Variants in MYO9B observed in about 807,000 individuals in gnomAD.
The protein encoded by MYO9B is unconventional myosin-IXb.
In MYO9B, 71 loss-of-function variants were observed where a neutral mutation model predicts 229.5. The ratio of observed to expected loss-of-function variants is 0.31; its 90% confidence interval spans 0.26 to 0.38. The LOEUF (loss-of-function observed/expected upper bound fraction) is 0.38. Ranked by LOEUF, MYO9B falls within the 10% of genes least tolerant of loss-of-function variation. The pLI, the probability that MYO9B is intolerant of heterozygous loss-of-function variation, is 1.00. For synonymous variants in MYO9B, 1,185 were observed against 1,235.8 expected (o/e 0.96, Z 0.86); for missense variants, 2,255 against 2,920.5 (o/e 0.77, Z 5.25).
At chr19:17,097,982 C>G (rs1043163268) in intron 1 of MYO9B, among the ~76,000 whole-genome samples, 2 of 151,968 alleles carry the variant, frequency 1.3e-5, no homozygotes, top group Non-Finnish European at 2.9e-5. Flanking sequence ...AGGTGGTGGG[C>G]CTATTGTACC....
At chr19:17,089,524 A>G (rs1168408884) in intron 1 of MYO9B, among the ~76,000 whole-genome samples, 3 of 152,140 alleles carry the variant, frequency 2.0e-5, no homozygotes, top group Non-Finnish European at 4.4e-5. Flanking sequence ...CCTCCGCCAA[A>G]CTGGTAGGCA....
chr19:17,087,903 G>C (rs59243439), intron 1 of MYO9B, among the ~76,000 whole-genome samples: 1 of 146,634 alleles, frequency 6.8e-6, no homozygotes, highest in African/African-American at 2.5e-5. Flanking sequence ...GCACTCCACC[G>C]TGGGCAACAA....
rs1330699078 is a variant in MYO9B at position 17,116,155 on chromosome 19, A to AAGG, written c.840+13599_840+13601dup. Among the ~76,000 whole-genome samples, 3 of 152,064 alleles carry AAGG rather than the reference A, an allele frequency of 2.0e-5. No homozygotes were observed. The South Asian group carries it at 6.2e-4, about 32-fold the overall frequency. On this transcript the variant is annotated intron_variant, in intron 2 of 39. Coordinates refer to ENST00000682292, the MANE Select transcript of MYO9B (RefSeq NM_004145.4). ...GAACATCAGCAGGCCCCATCTCTTG[A>AAGG]AGGGTTTCCAGCTGCCTCCTGGGCT...
chr19:17,170,645 T>TAAA (rs2072712783), intron 11 of MYO9B, among the ~76,000 whole-genome samples: 1 of 14,288 alleles, frequency 7.0e-5, no homozygotes, highest in Non-Finnish European at 1.1e-4. Flanking sequence ...ACCCCATCTC[T>TAAA]ACAAAAAAAA....
chr19:17,174,949 T>A (rs1401827126), intron 13 of MYO9B, among the ~76,000 whole-genome samples: 17 of 149,956 alleles, frequency 1.1e-4, no homozygotes, highest in East Asian at 4.0e-4. Context: ...AATAAATAAA[T>A]AAATAATAAA....
rs888650120 is a variant in MYO9B, at chr19:17,207,036, A to G, written c.5493-77A>G. On this transcript the variant is annotated intron_variant, in intron 34 of 39. Coordinates refer to ENST00000682292, the MANE Select transcript of MYO9B (RefSeq NM_004145.4). ...TTTCCCAACAGCCACCCCAGGGCTC[A>G]GAAGTTCAGTCTCGGGGCTCCCTGG... 1.4e-5 allele frequency: 22 copies of G among 1,553,694 alleles called. No individual in the cohort carries two copies. In the African/African-American group the frequency reaches 3.0e-4, roughly 21 times the overall value.
chr19:17,152,684 G>C lies in MYO9B; in HGVS notation c.976G>C (p.Val326Leu), dbSNP rs1253479288. Reference protein sequence around the residue: ...EKYLLEKSRLVSQEKDERNYH... With the variant: ...EKYLLEKSRLLSQEKDERNYH... Reference sequence around the variant, plus strand: ...ATATCTGCTTGAAAAGTCTCGCCTGGTGTCTCAGGAGAAGGATGAGAGGTA... The same window carrying C: ...ATATCTGCTTGAAAAGTCTCGCCTGCTGTCTCAGGAGAAGGATGAGAGGTA... Residue 326 changes from valine (V) to leucine (L), a missense_variant, in exon 4 of 40, where the codon GTG becomes CTG. Transcript: ENST00000682292. The C allele has an allele frequency of 3.1e-6, 5 of 1,613,478 alleles. No individual in the cohort carries two copies. In the South Asian group the frequency reaches 5.5e-5, roughly 18 times the overall value.
chr19:17,090,645 T>C (rs1370830412), intron 1 of MYO9B, among the ~76,000 whole-genome samples: 2 of 152,234 alleles, frequency 1.3e-5, no homozygotes, highest in East Asian at 1.9e-4. Flanking sequence ...ACTGATGCTG[T>C]CAGCTGGAGG....
At chr19:17,084,304 C>T (rs1341381962) in intron 1 of MYO9B, among the ~76,000 whole-genome samples, 1 of 151,200 alleles carries the variant, frequency 6.6e-6, no homozygotes, top group Non-Finnish European at 1.5e-5. Flanking sequence ...TGCCACTGCA[C>T]TCCAGCCTGG....
intron 8 of MYO9B, among the ~76,000 whole-genome samples, chr19:17,160,217 G>T (rs899143125): frequency 6.6e-6 from 1 of 152,128 alleles, no homozygotes. Flanking sequence ...AACAGGCACC[G>T]GGGACATTCT....
At chr19:17,115,581 G>C (rs1342282402) in intron 2 of MYO9B, among the ~76,000 whole-genome samples, 1 of 150,020 alleles carries the variant, frequency 6.7e-6, no homozygotes, top group African/African-American at 2.5e-5. Context: ...CAATTCTCCT[G>C]CTTCAGCCTC....
Position 17,195,570 on chromosome 19 carries a change from C to A in MYO9B, c.4046+97C>A. On this transcript the variant is annotated intron_variant, in intron 22 of 39. Coordinates refer to ENST00000682292, the MANE Select transcript of MYO9B (RefSeq NM_004145.4). This position sits in a 1 kb window ranked among gnomAD's most constrained non-coding sequence, Gnocchi z 4.5. ...CACATCCTGGAAACACATGTGTAAT[C>A]ATGCCCAGTGGGTGTGCGGGAGGCC... is the stretch of plus-strand genomic sequence containing the variant. The A allele has an allele frequency of 7.0e-7, 1 of 1,432,724 alleles. No individual in the cohort carries two copies. The highest frequency in any genetic ancestry group is 9.4e-7 in the Non-Finnish European group (1 of 1,061,800). 88.8% of individuals were successfully genotyped at this position (1,432,724 alleles called of 1,614,324 possible). A position where few individuals can be genotyped will look rare whatever the true frequency, so the allele number is the denominator to read the frequency against.
chr19:17,175,017 C>T (rs192137794), intron 13 of MYO9B, among the ~76,000 whole-genome samples: 68 of 151,548 alleles, frequency 4.5e-4, no homozygotes, highest in Admixed American at 9.9e-4. Context: ...TGGTGCACAC[C>T]GGTAGTCCTA....
chr19:17,146,394 G>C (rs1461323561), intron 3 of MYO9B, among the ~76,000 whole-genome samples: 1 of 151,886 alleles, frequency 6.6e-6, no homozygotes, highest in Non-Finnish European at 1.5e-5. Context: ...TGGATGGATG[G>C]ATGGATGGAT....
chr19:17,130,625 A>C (rs916041506), intron 2 of MYO9B, among the ~76,000 whole-genome samples: 1 of 151,892 alleles, frequency 6.6e-6, no homozygotes, highest in African/African-American at 2.4e-5. Flanking sequence ...GTCTCAAAAA[A>C]AAAAAAAAAT....
At chr19:17,197,964 G>T in intron 23 of MYO9B, 106 bp downstream of exon 23, 1 of 1,456,338 alleles carries the variant, frequency 6.9e-7, no homozygotes, top group Admixed American at 1.8e-5. Context: ...TGAGGCGAGA[G>T]AATCGCTTGA....
chr19:17,148,943 C>T (rs2145253326), intron 3 of MYO9B, among the ~76,000 whole-genome samples: 1 of 152,092 alleles, frequency 6.6e-6, no homozygotes, highest in South Asian at 2.1e-4. Context: ...TGAGGATGAT[C>T]CTGAGGCCTT....
chr19:17,158,706 G>A (rs1417371178), intron 7 of MYO9B, among the ~76,000 whole-genome samples: 5 of 152,160 alleles, frequency 3.3e-5, no homozygotes, highest in Non-Finnish European at 7.3e-5. Context: ...TGAGCGTGTC[G>A]GCTGTCTGGG....
chr19:17,163,920 G>A (rs1421107841), intron 10 of MYO9B, among the ~76,000 whole-genome samples: 1 of 152,152 alleles, frequency 6.6e-6, no homozygotes, highest in African/African-American at 2.4e-5. Context: ...TGGCTATTGT[G>A]CATAATGCTT....
Sources: allele counts gnomAD v4.1 joint callset (sites outside exome capture counted in the v4.1 genomes callset), GRCh38; gene constraint gnomAD v4.1.1; non-coding constraint Gnocchi (gnomAD v3.1); transcripts MANE v1.5; gene names NCBI Gene and HGNC (gene_info 2026-07-23, HGNC 2026-07-21).